The following GART variants were observed in gnomAD, a reference collection of about 807,000 sequenced individuals.
GART encodes the protein phosphoribosylglycinamide formyltransferase, phosphoribosylglycinamide synthetase, phosphoribosylaminoimidazole synthetase.
GART carries 43 observed loss-of-function variants against 107.2 expected under a neutral mutation model. The observed-to-expected ratio is 0.40, with a 90% CI of 0.31 to 0.52. The LOEUF (loss-of-function observed/expected upper bound fraction) is 0.52. GART is among the 20% of genes least tolerant of loss of function. The probability of loss-of-function intolerance (pLI) is 0.52; values close to 1 mark genes in which losing one functional copy is unlikely to be tolerated. For missense variants in GART, 1,107 were observed against 1,206.5 expected (o/e 0.92, Z 1.22); for synonymous variants, 434 against 427.0 (o/e 1.02, Z -0.20).
Position 33,504,568 on chromosome 21 carries a change from C to A in GART, c.2726-41G>T, listed in dbSNP as rs780978232. The A allele has an allele frequency of 5.7e-6, 8 of 1,407,628 alleles. No individual in the cohort carries two copies. In the Admixed American group the frequency reaches 8.9e-5, roughly 16 times the overall value. The allele number at this position is 1,407,628 out of a possible 1,614,324, so 87.2% of individuals were successfully genotyped here. On this transcript the variant is annotated intron_variant, in intron 20 of 21. Transcript: ENST00000381815. ...AGCATAGTGGTCAGAATTTAAAAATCCTGGGTATTCTGTTAAAGGAATACG... is the reference window on the plus strand; with the variant it reads ...AGCATAGTGGTCAGAATTTAAAAATACTGGGTATTCTGTTAAAGGAATACG...
intron 11 of GART, among the ~76,000 whole-genome samples, chr21:33,522,848 C>T (rs1159529692): frequency 6.6e-6 from 1 of 152,190 alleles, no homozygotes; most frequent in African/African-American, 2.4e-5. Context: ...TTTGCTGCAA[C>T]TTTTCTCAGT....
rs2085037451 is a variant in GART at position 33,524,758 on chromosome 21, T to C, written c.1298+11A>G. 1.9e-6 allele frequency: 3 copies of C among 1,614,152 alleles called. No individual in the cohort carries two copies. Among genetic ancestry groups the C allele is most frequent in the Non-Finnish European group, 2.5e-6 (3 of 1,179,998 alleles). On this transcript the variant is annotated intron_variant, in intron 11 of 21. Transcript: ENST00000381815. ...GAAATGGCACTACAGCTAACTTGCT[T>C]AGAGTTTTACCTGGGCTGCTGGAGG... is the stretch of plus-strand genomic sequence containing the variant.
intron 16 of GART, among the ~76,000 whole-genome samples, chr21:33,513,083 T>TTG (rs760260690): frequency 0.026 from 3,767 of 142,282 alleles, 73 homozygotes; most frequent in African/African-American, 0.045. Flanking sequence ...ACTTGGTTAT[T>TTG]TGTGTGTGTG....
At chr21:33,524,587 G>C in intron 11 of GART, 182 bp downstream of exon 11, 1 of 1,083,766 alleles carries the variant, frequency 9.2e-7, no homozygotes, top group Non-Finnish European at 1.1e-6. Context: ...CTATCATGAA[G>C]TTTTTTCCAT....
intron 16 of GART, among the ~76,000 whole-genome samples, chr21:33,513,135 G>A (rs1042561949): frequency 3.5e-5 from 4 of 115,480 alleles, no homozygotes; most frequent in African/African-American, 1.4e-4. Context: ...GTGTGTGTGT[G>A]TGTATTTTTA....
chr21:33,538,369 C>T (rs2085343799), intron 2 of GART, among the ~76,000 whole-genome samples: 1 of 151,678 alleles, frequency 6.6e-6, no homozygotes, highest in Non-Finnish European at 1.5e-5. Context: ...GCTGGCACTA[C>T]AGATGTGCAC....
chr21:33,533,151 C>A (rs989979087), intron 4 of GART, among the ~76,000 whole-genome samples: 1 of 151,424 alleles, frequency 6.6e-6, no homozygotes, highest in Admixed American at 6.6e-5. Context: ...TTTAAAATTG[C>A]AATAGTGGCC....
chr21:33,528,002 A>AT (rs1332558123), intron 10 of GART, among the ~76,000 whole-genome samples, 165 bp downstream of exon 10: 2 of 152,150 alleles, frequency 1.3e-5, no homozygotes, highest in Non-Finnish European at 2.9e-5. Context: ...GTAATTGCGG[A>AT]TATTTGAACA....
intron 6 of GART, 107 bp from the exon 7 acceptor site, chr21:33,530,991 TG>T (rs981625544): frequency 2.5e-5 from 28 of 1,121,740 alleles, no homozygotes; most frequent in Non-Finnish European, 3.1e-5. Context: ...AGGAAAAGTT[TG>T]TTTTTTTTTT....
At chr21:33,518,975 A>G in intron 14 of GART, 1 of 369,544 alleles carries the variant, frequency 2.7e-6, no homozygotes, top group Admixed American at 3.2e-5. Context: ...TTGTAAACAT[A>G]CTCACCCCTT....
intron 5 of GART, 79 bp from the exon 6 acceptor site, chr21:33,531,636 A>G: frequency 7.8e-7 from 1 of 1,277,852 alleles, no homozygotes; most frequent in Non-Finnish European, 1.1e-6. Context: ...GACTTTTAGC[A>G]TTATCCAGCA....
intron 1 of GART, among the ~76,000 whole-genome samples, chr21:33,540,578 TAGA>T (rs1425185047): frequency 6.6e-6 from 1 of 152,202 alleles, no homozygotes; most frequent in Non-Finnish European, 1.5e-5. Context: ...ACCTGAGACT[TAGA>T]AGGATGGATA....
chr21:33,513,916 C>G (rs1439907726), intron 16 of GART, among the ~76,000 whole-genome samples: 1 of 152,170 alleles, frequency 6.6e-6, no homozygotes, highest in Non-Finnish European at 1.5e-5. Context: ...GACTAAGAGT[C>G]TAGCTTCTAT....
intron 5 of GART, chr21:33,532,062 G>A: frequency 6.0e-6 from 2 of 331,090 alleles, no homozygotes; most frequent in Non-Finnish European, 1.1e-5. Context: ...TGGATGGCTT[G>A]ATAATTTATT....
At chr21:33,539,108 G>C in intron 2 of GART, 63 bp downstream of exon 2, 1 of 1,476,082 alleles carries the variant, frequency 6.8e-7, no homozygotes, top group Non-Finnish European at 9.3e-7. Context: ...GTACAGATAT[G>C]GTTGACAGCA....
At chr21:33,528,959 TTA>T in intron 7 of GART, 22 bp from the exon 8 acceptor site, 6 of 1,520,764 alleles carry the variant, frequency 3.9e-6, no homozygotes, top group Non-Finnish European at 5.5e-6. Flanking sequence ...GCAGAAACAG[TTA>T]AATGTAACAG....
At chr21:33,520,672 G>T in intron 13 of GART, 110 bp from the exon 14 acceptor site, 1 of 967,122 alleles carries the variant, frequency 1.0e-6, no homozygotes, top group Non-Finnish European at 1.5e-6. Context: ...ACGAAATTCT[G>T]ACAAGCTACT....
chr21:33,533,750 T>A (rs941914730), intron 4 of GART, among the ~76,000 whole-genome samples: 4 of 151,888 alleles, frequency 2.6e-5, no homozygotes, highest in Non-Finnish European at 5.9e-5. Flanking sequence ...ACAAAAAATA[T>A]AAAAACTAGC....
chr21:33,516,516 C>G (rs1254474406), intron 16 of GART, among the ~76,000 whole-genome samples: 1 of 152,178 alleles, frequency 6.6e-6, no homozygotes, highest in Non-Finnish European at 1.5e-5. Context: ...TCCAAACTTA[C>G]TCTTCTTCCT....
Sources: gnomAD v4.1 joint callset for allele counts (sites outside exome capture counted in the v4.1 genomes callset) on GRCh38, gnomAD v4.1.1 for gene constraint, MANE v1.5 for transcripts, NCBI Gene and HGNC (gene_info 2026-07-23, HGNC 2026-07-21) for gene names.